Variants in BCAS3 observed in about 807,000 individuals in gnomAD.
The protein encoded by BCAS3 is BCAS3 microtubule associated cell migration factor.
A neutral mutation model predicts 116.1 loss-of-function variants in BCAS3; 53 were observed. The ratio of observed to expected loss-of-function variants is 0.46; its 90% CI spans 0.37 to 0.57. The LOEUF (loss-of-function observed/expected upper bound fraction) is 0.57. BCAS3 is among the 20% of genes least tolerant of loss of function. The pLI, the probability that BCAS3 is intolerant of heterozygous loss-of-function variation, is 0.00. For synonymous variants in BCAS3, 391 were observed against 408.2 expected, an observed-to-expected ratio of 0.96 and a Z score of 0.51; for missense variants, 917 against 1,165.4, an observed-to-expected ratio of 0.79 and a Z score of 3.10.
chr17:60,705,063 A>C (rs926305411), intron 4 of BCAS3, among the ~76,000 whole-genome samples: 1 of 152,158 alleles, frequency 6.6e-6, no homozygotes, highest in Non-Finnish European at 1.5e-5. Flanking sequence ...ACCCTGATAG[A>C]ACATCAGGAA....
chr17:60,806,357 G>C (rs2048288377), intron 6 of BCAS3, among the ~76,000 whole-genome samples: 1 of 152,064 alleles, frequency 6.6e-6, no homozygotes, highest in Non-Finnish European at 1.5e-5. Flanking sequence ...TCACTTGGGG[G>C]CTTCCTTTCA....
At chr17:61,345,652 T>C (rs2057461592) in intron 22 of BCAS3, among the ~76,000 whole-genome samples, 1 of 151,956 alleles carries the variant, frequency 6.6e-6, no homozygotes, top group Admixed American at 6.6e-5. Context: ...TCTTGATGGG[T>C]TTGGCAAAGC....
At chr17:61,288,314 T>C (rs910415198) in intron 22 of BCAS3, among the ~76,000 whole-genome samples, 9 of 152,178 alleles carry the variant, frequency 5.9e-5, no homozygotes, top group African/African-American at 2.2e-4. Flanking sequence ...TGTTGATCTT[T>C]GTCAGTCTTA....
At position 60,913,701 on chromosome 17, in the gene BCAS3, T is replaced by G. The variant is rs992096195; in HGVS notation, c.993+2999T>G. ...AATACATTGACTTTTGCTGTTTAAA[T>G]CCCTTGAGCCTTTGATAATGATTTT... On this transcript the variant is annotated intron_variant, in intron 12 of 23. Transcript: ENST00000407086. 2.0e-4 allele frequency among the ~76,000 whole-genome samples: 30 copies of G among 152,266 alleles called. No individual in the cohort carries two copies. The East Asian group carries it at 5.6e-3, about 28-fold the overall frequency.
At chr17:61,052,612 C>A (rs1171304101) in intron 19 of BCAS3, among the ~76,000 whole-genome samples, 1 of 151,956 alleles carries the variant, frequency 6.6e-6, no homozygotes, top group Non-Finnish European at 1.5e-5. Context: ...AAAAGTCTTA[C>A]TGTAACCTGA....
chr17:60,814,304 T>C (rs75572685), intron 7 of BCAS3, among the ~76,000 whole-genome samples: 8,503 of 136,742 alleles, frequency 0.062, 467 homozygotes, highest in African/African-American at 0.17. Context: ...TGTGTGTGTG[T>C]GTGCGCGCGT....
rs2061571202 is a variant in BCAS3, at chr17:60,964,737, G to A, written c.1221+17385G>A. Among the ~76,000 whole-genome samples the A allele has an allele frequency of 6.6e-6, 1 of 152,028 alleles. No homozygotes were observed. The highest frequency in any genetic ancestry group is 1.5e-5 in the Non-Finnish European group (1 of 67,974). On this transcript the variant is annotated intron_variant, in intron 14 of 23. Transcript: ENST00000407086. The surrounding 1 kb of genome is among the most constrained non-coding windows in gnomAD (Gnocchi z 4.6). ...TTTTGTTACTTGTTATTGGTTTGTT[G>A]AGGTTTTCTGTTTCTTCATGATTCA... is the stretch of plus-strand genomic sequence containing the variant.
At chr17:60,846,372 C>T (rs1247128602) in intron 7 of BCAS3, among the ~76,000 whole-genome samples, 1 of 152,192 alleles carries the variant, frequency 6.6e-6, no homozygotes, top group East Asian at 1.9e-4. Context: ...TCACCAAGTT[C>T]TCATTCAGAT....
intron 12 of BCAS3, among the ~76,000 whole-genome samples, chr17:60,912,162 T>C (rs920493345): frequency 3.9e-5 from 6 of 152,142 alleles, no homozygotes; most frequent in Non-Finnish European, 8.8e-5. Context: ...TTTATTCTGA[T>C]AGTGTGTGAT....
intron 15 of BCAS3, among the ~76,000 whole-genome samples, chr17:61,014,991 C>T (rs1324432622): frequency 2.0e-5 from 3 of 152,032 alleles, no homozygotes; most frequent in East Asian, 1.9e-4. Context: ...TTAAGAATAC[C>T]TAGGTAAATG....
At chr17:60,767,763 G>C (rs1001021926) in intron 6 of BCAS3, among the ~76,000 whole-genome samples, 6 of 151,972 alleles carry the variant, frequency 3.9e-5, no homozygotes, top group African/African-American at 1.2e-4. Flanking sequence ...TGTGCATCTG[G>C]TTAAATGGTC....
In BCAS3 at chr17:61,256,584, G is replaced by A. The variant is rs918549007; in HGVS notation, c.2426-111743G>A. 6.6e-6 allele frequency among the ~76,000 whole-genome samples: 1 copy of A among 152,170 alleles called. No individual in the cohort carries two copies. The highest frequency in any genetic ancestry group is 1.5e-5 in the Non-Finnish European group (1 of 68,032). Reference sequence around the variant, plus strand: ...CTCCCAAAGTGCTGGGATTACAGGCGTGAGCCACCGCGCCTGGCCGTTTGG... The same window carrying A: ...CTCCCAAAGTGCTGGGATTACAGGCATGAGCCACCGCGCCTGGCCGTTTGG... On this transcript the variant is annotated intron_variant, in intron 22 of 23. Coordinates refer to ENST00000407086, the MANE Select transcript of BCAS3 (RefSeq NM_017679.5). The surrounding 1 kb of genome is among the most constrained non-coding windows in gnomAD (Gnocchi z 5.6).
chr17:61,228,493 C>A lies in BCAS3; in HGVS notation c.2426-139834C>A, dbSNP rs528350416. Among the ~76,000 whole-genome samples the A allele has an allele frequency of 2.0e-5, 3 of 152,286 alleles. No homozygotes were observed. In the South Asian group the frequency reaches 6.2e-4, roughly 32 times the overall value. On this transcript the variant is annotated intron_variant, in intron 22 of 23. Transcript: ENST00000407086. The surrounding 1 kb of genome is among the most constrained non-coding windows in gnomAD (Gnocchi z 5.0). Reference sequence around the variant, plus strand: ...TTTTTTACAAATTGAAGATTTGTGGCAACTGTGTTAAGTGTGTAGACATCA... The same window carrying A: ...TTTTTTACAAATTGAAGATTTGTGGAAACTGTGTTAAGTGTGTAGACATCA...
In BCAS3 at chr17:61,282,505, C is replaced by G. The variant is rs1012808120; in HGVS notation, c.2426-85822C>G. Among the ~76,000 whole-genome samples, 1 of 152,222 alleles carries G rather than the reference C, an allele frequency of 6.6e-6. No homozygotes were observed. The highest frequency in any genetic ancestry group is 1.5e-5 in the Non-Finnish European group (1 of 68,042). On this transcript the variant is annotated intron_variant, in intron 22 of 23. Coordinates refer to ENST00000407086, the MANE Select transcript of BCAS3 (RefSeq NM_017679.5). This position sits in a 1 kb window ranked among gnomAD's most constrained non-coding sequence, Gnocchi z 5.9. ...GGCTGAAAGAGTTCAAAGGCAAAGT[C>G]TTCTGGGAACTAAAGTTGGTTTCGT...
chr17:61,345,196 T>C (rs1182637881), intron 22 of BCAS3, among the ~76,000 whole-genome samples: 1 of 152,208 alleles, frequency 6.6e-6, no homozygotes, highest in African/African-American at 2.4e-5. Context: ...AGCTGTTCTC[T>C]TGTTCCCAGC....
At chr17:60,691,056 C>T (rs984413203) in intron 4 of BCAS3, among the ~76,000 whole-genome samples, 1 of 152,078 alleles carries the variant, frequency 6.6e-6, no homozygotes, top group African/African-American at 2.4e-5. Flanking sequence ...TCTCAGCCCC[C>T]TGAGTAGCTG....
intron 3 of BCAS3, 60 bp downstream of exon 3, chr17:60,684,096 G>C: frequency 6.5e-7 from 1 of 1,537,314 alleles, no homozygotes; most frequent in Non-Finnish European, 8.9e-7. Context: ...GAAATGTTTG[G>C]TTTCCTAAAC....
intron 14 of BCAS3, among the ~76,000 whole-genome samples, chr17:60,977,468 G>A (rs980731308): frequency 1.3e-5 from 2 of 151,732 alleles, no homozygotes; most frequent in African/African-American, 4.8e-5. Context: ...ATGAGCCATT[G>A]CATTTGGCGG....
intron 22 of BCAS3, among the ~76,000 whole-genome samples, chr17:61,169,894 G>A (rs763601527): frequency 4.6e-5 from 7 of 151,996 alleles, no homozygotes; most frequent in Non-Finnish European, 7.4e-5. Flanking sequence ...TTGCACTGTC[G>A]CCCAGGCTGT....
Sources: allele counts gnomAD v4.1 joint callset (sites outside exome capture counted in the v4.1 genomes callset), GRCh38; gene constraint gnomAD v4.1.1; non-coding constraint Gnocchi (gnomAD v3.1); transcripts MANE v1.5; gene names NCBI Gene and HGNC (gene_info 2026-07-23, HGNC 2026-07-21).